The following EYA2 variants were observed in gnomAD, a reference collection of about 807,000 sequenced individuals.
EYA2 encodes the protein protein phosphatase EYA2.
A neutral mutation model predicts 69.2 loss-of-function variants in EYA2; 31 were observed. The observed-to-expected ratio is 0.45, with a 90% confidence interval of 0.34 to 0.60. The LOEUF is 0.60. EYA2 is among the 20% of genes least tolerant of loss of function. The probability of loss-of-function intolerance (pLI) is 0.02; values close to 1 mark genes in which losing one functional copy is unlikely to be tolerated. For missense variants in EYA2, 622 were observed against 701.2 expected (o/e 0.89, Z 1.28); for synonymous variants, 257 against 279.4 (o/e 0.92, Z 0.80).
intron 1 of EYA2, among the ~76,000 whole-genome samples, chr20:46,982,948 A>G (rs1980934706): frequency 6.7e-6 from 1 of 148,920 alleles, no homozygotes; most frequent in South Asian, 2.1e-4. Context: ...TAATTTTTGT[A>G]TTTTTAGTAG....
At chr20:47,148,561 G>A (rs2033755950) in intron 10 of EYA2, among the ~76,000 whole-genome samples, 1 of 151,176 alleles carries the variant, frequency 6.6e-6, no homozygotes, top group African/African-American at 2.4e-5. Context: ...CAAAGATGAT[G>A]ACAGTCATGA....
intron 9 of EYA2, among the ~76,000 whole-genome samples, chr20:47,134,985 G>A (rs2033426657): frequency 6.6e-6 from 1 of 151,964 alleles, no homozygotes; most frequent in Admixed American, 6.6e-5. Context: ...AAATTAGCCG[G>A]GCGTGGTGGC....
chr20:47,011,192 T>A (rs1451326926), intron 4 of EYA2, among the ~76,000 whole-genome samples: 1 of 152,094 alleles, frequency 6.6e-6, no homozygotes, highest in African/African-American at 2.4e-5. Context: ...AAGCACTAAT[T>A]TGGTCCAAAA....
intron 14 of EYA2, among the ~76,000 whole-genome samples, chr20:47,182,885 C>T (rs996136995): frequency 8.6e-5 from 13 of 151,970 alleles, no homozygotes; most frequent in Non-Finnish European, 1.9e-4. Context: ...TTCAGTGAGC[C>T]GAGATGGCAC....
At chr20:47,175,839 A>G (rs1315814896) in intron 12 of EYA2, among the ~76,000 whole-genome samples, 4 of 152,186 alleles carry the variant, frequency 2.6e-5, no homozygotes, top group Non-Finnish European at 4.4e-5. Flanking sequence ...GAAGGTGCAG[A>G]GACAGAGGAA....
At chr20:47,056,787 A>G (rs189155831) in intron 5 of EYA2, among the ~76,000 whole-genome samples, 9 of 152,274 alleles carry the variant, frequency 5.9e-5, no homozygotes, top group African/African-American at 1.9e-4. Flanking sequence ...GCTCACACCT[A>G]TAATCCCAGA....
chr20:47,168,959 G>C (rs1371487399), intron 10 of EYA2, among the ~76,000 whole-genome samples, 180 bp from the exon 11 acceptor site: 1 of 152,160 alleles, frequency 6.6e-6, no homozygotes, highest in Non-Finnish European at 1.5e-5. Context: ...CAAAGAGGAT[G>C]AGATTGAACC....
chr20:47,093,605 G>A (rs2032154143), intron 8 of EYA2, among the ~76,000 whole-genome samples: 1 of 152,142 alleles, frequency 6.6e-6, no homozygotes, highest in East Asian at 1.9e-4. Context: ...GCTCCCCTCT[G>A]TCTATCTGCA....
chr20:46,963,226 C>G (rs1380691656), intron 1 of EYA2, among the ~76,000 whole-genome samples: 2 of 152,198 alleles, frequency 1.3e-5, no homozygotes, highest in African/African-American at 2.4e-5. Context: ...CCCTGGAATC[C>G]TTGTCTCAGT....
At chr20:46,952,633 C>T (rs745624996) in intron 1 of EYA2, among the ~76,000 whole-genome samples, 1 of 152,132 alleles carries the variant, frequency 6.6e-6, no homozygotes, top group Admixed American at 6.5e-5. Context: ...GTCCAGAGGC[C>T]GCACACAATG....
intron 7 of EYA2, among the ~76,000 whole-genome samples, chr20:47,081,334 A>T (rs1000053786): frequency 9.9e-5 from 15 of 152,206 alleles, no homozygotes; most frequent in African/African-American, 3.6e-4. Flanking sequence ...TTAGTAAAAA[A>T]AAAATAAAAA....
chr20:46,957,406 G>A (rs1417375996), intron 1 of EYA2, among the ~76,000 whole-genome samples: 2 of 152,146 alleles, frequency 1.3e-5, no homozygotes, highest in African/African-American at 2.4e-5. Context: ...ACCTTATGTG[G>A]CAAAAATACT....
chr20:47,013,326 T>TGCC, intron 4 of EYA2, among the ~76,000 whole-genome samples: 1 of 152,280 alleles, frequency 6.6e-6, no homozygotes, highest in South Asian at 2.1e-4. Context: ...AAACAACATT[T>TGCC]GCCTGATAGA....
At chr20:47,178,448 G>A (rs1351751402) in intron 12 of EYA2, among the ~76,000 whole-genome samples, 1 of 150,928 alleles carries the variant, frequency 6.6e-6, no homozygotes, top group East Asian at 1.9e-4. Context: ...GTGTGCAAAG[G>A]TCCTGGGGCA....
At chr20:46,912,058 A>G (rs1472493643) in intron 1 of EYA2, among the ~76,000 whole-genome samples, 1 of 152,180 alleles carries the variant, frequency 6.6e-6, no homozygotes, top group Non-Finnish European at 1.5e-5. Context: ...ATAAATACAT[A>G]CAATTGTTAT....
At chr20:46,990,783 T>G (rs980378611) in intron 2 of EYA2, among the ~76,000 whole-genome samples, 1 of 152,226 alleles carries the variant, frequency 6.6e-6, no homozygotes, top group Non-Finnish European at 1.5e-5. Flanking sequence ...GCTTTGGGAT[T>G]TGCTGCTGTT....
rs142972652 is a variant in EYA2, at chr20:47,159,748, G to A, written c.979-9391G>A. 6.5e-4 allele frequency among the ~76,000 whole-genome samples: 99 copies of A among 152,170 alleles called. 1 individual carries two copies. Among genetic ancestry groups the A allele is most frequent in the African/African-American group, 2.3e-3 (97 of 41,588 alleles). On this transcript the variant is annotated intron_variant, in intron 10 of 15. Coordinates refer to ENST00000327619, the MANE Select transcript of EYA2 (RefSeq NM_005244.5). The stretch of plus-strand genomic sequence containing the variant: ...CTCATGCCTGGAATCCCAGCACTTT[G>A]GGAGGCCAAGGTGGGCGGATCACTT...
chr20:47,104,422 G>A (rs1036584507), intron 9 of EYA2, among the ~76,000 whole-genome samples: 3 of 152,056 alleles, frequency 2.0e-5, no homozygotes, highest in African/African-American at 4.8e-5. Flanking sequence ...GAAATACCAA[G>A]CTTTTTATTT....
intron 1 of EYA2, among the ~76,000 whole-genome samples, chr20:46,951,218 C>T (rs1243737626): frequency 6.6e-6 from 1 of 152,160 alleles, no homozygotes; most frequent in Admixed American, 6.5e-5. Flanking sequence ...GAGGCTGGCA[C>T]ATTAGTGGAA....
Sources: gnomAD v4.1 joint callset for allele counts (sites outside exome capture counted in the v4.1 genomes callset) on GRCh38, gnomAD v4.1.1 for gene constraint, MANE v1.5 for transcripts, NCBI Gene and HGNC (gene_info 2026-07-23, HGNC 2026-07-21) for gene names.